The following SOX5 variants were observed in gnomAD, a reference collection of about 807,000 sequenced individuals.
SOX5 encodes the protein SRY-box transcription factor 5.
A neutral mutation model predicts 92.0 loss-of-function variants in SOX5; 9 were observed. The ratio of observed to expected loss-of-function variants is 0.10; its 90% CI spans 0.06 to 0.17. The LOEUF (loss-of-function observed/expected upper bound fraction) is 0.17, where lower values mean the gene tolerates loss of function less well. SOX5 is among the 10% of genes least tolerant of loss of function. The pLI, the probability that SOX5 is intolerant of heterozygous loss-of-function variation, is 1.00. For synonymous variants in SOX5, 344 were observed against 336.3 expected, an observed-to-expected ratio of 1.02 and a Z score of -0.25; for missense variants, 642 against 944.5, an observed-to-expected ratio of 0.68 and a Z score of 4.20.
chr12:24,117,924 C>T (rs1000657121), intron 4 of SOX5, among the ~76,000 whole-genome samples: 7 of 147,528 alleles, frequency 4.7e-5, no homozygotes, highest in Admixed American at 1.4e-4. Flanking sequence ...GAGACCAAGG[C>T]AGGAGAATTG....
At chr12:23,543,959 C>A (rs1276378127) in intron 12 of SOX5, among the ~76,000 whole-genome samples, 1 of 152,150 alleles carries the variant, frequency 6.6e-6, no homozygotes, top group Non-Finnish European at 1.5e-5. Flanking sequence ...TATATGCTGA[C>A]AAATGCATGA....
chr12:23,608,095 C>T (rs80241699), intron 8 of SOX5, among the ~76,000 whole-genome samples: 3,104 of 108,808 alleles, frequency 0.029, 43 homozygotes, highest in Middle Eastern at 0.1. Flanking sequence ...CATAGTGAGA[C>T]GTTGTCTCAA....
intron 8 of SOX5, among the ~76,000 whole-genome samples, chr12:23,612,945 AAC>A (rs2076142235): frequency 6.6e-6 from 1 of 152,206 alleles, no homozygotes; most frequent in Admixed American, 6.5e-5. Flanking sequence ...AATCTTTCAA[AAC>A]ACAGCAGCAT....
chr12:23,622,512 G>C (rs755227971), intron 8 of SOX5, among the ~76,000 whole-genome samples: 1 of 133,056 alleles, frequency 7.5e-6, no homozygotes, highest in Non-Finnish European at 1.6e-5. Context: ...CAGCGAATTT[G>C]AAAATAAAAA....
At chr12:23,837,249 ATTTATATTT>A (rs1268750118) in intron 3 of SOX5, among the ~76,000 whole-genome samples, 22,804 of 114,792 alleles carry the variant, frequency 0.2, 3,453 homozygotes, top group Non-Finnish European at 0.28. Flanking sequence ...TATAATATAT[ATTTATATTT>A]ATATAATATA....
chr12:24,082,304 G>T (rs1943435586), intron 4 of SOX5, among the ~76,000 whole-genome samples: 1 of 146,114 alleles, frequency 6.8e-6, no homozygotes, highest in South Asian at 2.2e-4. Context: ...TGCCCCACAA[G>T]CACTATTTAG....
chr12:23,739,290 C>T (rs1390363433), intron 5 of SOX5, among the ~76,000 whole-genome samples: 3 of 152,168 alleles, frequency 2.0e-5, no homozygotes, highest in Non-Finnish European at 4.4e-5. Flanking sequence ...CTCTATCTTA[C>T]GTTGTATTTA....
At chr12:23,896,127 C>T in intron 1 of SOX5, 103 bp from the exon 2 acceptor site, 1 of 776,906 alleles carries the variant, frequency 1.3e-6, no homozygotes, top group Non-Finnish European at 2.2e-6. Flanking sequence ...CCTTTTTGTG[C>T]TAGCAGAGAG....
intron 3 of SOX5, among the ~76,000 whole-genome samples, chr12:23,842,911 G>A (rs1035993994): frequency 1.3e-5 from 2 of 152,140 alleles, no homozygotes; most frequent in African/African-American, 4.8e-5. Context: ...ACAGTATGGT[G>A]TAGAAAGGGG....
intron 1 of SOX5, among the ~76,000 whole-genome samples, chr12:24,430,456 T>TAA (rs1208740954): frequency 6.6e-6 from 1 of 151,714 alleles, no homozygotes; most frequent in Non-Finnish European, 1.5e-5. Flanking sequence ...GGTATATATA[T>TAA]AATATATATA....
intron 1 of SOX5, among the ~76,000 whole-genome samples, chr12:23,918,943 GA>G (rs2097450855): frequency 1.3e-5 from 2 of 149,374 alleles, no homozygotes; most frequent in African/African-American, 4.9e-5. Flanking sequence ...AAGAAAGAAA[GA>G]AAAATGGCCC....
intron 4 of SOX5, among the ~76,000 whole-genome samples, chr12:24,133,974 C>T (rs374458738): frequency 2.0e-5 from 3 of 152,132 alleles, no homozygotes; most frequent in African/African-American, 7.2e-5. Flanking sequence ...GAGGCTTCTA[C>T]TTTAGGGCAA....
chr12:24,475,090 C>G (rs1945219454), intron 1 of SOX5, among the ~76,000 whole-genome samples: 1 of 152,118 alleles, frequency 6.6e-6, no homozygotes, highest in Non-Finnish European at 1.5e-5. Flanking sequence ...ACCTCAGCCT[C>G]GGCCTCCCAA....
chr12:24,159,618 C>T (rs1233804912), intron 4 of SOX5, among the ~76,000 whole-genome samples: 1 of 151,858 alleles, frequency 6.6e-6, no homozygotes, highest in Non-Finnish European at 1.5e-5. Context: ...AACTCTTAAC[C>T]ATATATTATT....
intron 8 of SOX5, among the ~76,000 whole-genome samples, chr12:23,621,525 C>T (rs1434769497): frequency 6.6e-6 from 1 of 152,124 alleles, no homozygotes; most frequent in Admixed American, 6.6e-5. Flanking sequence ...TCCAAGACCA[C>T]ATTAGGCTTT....
intron 1 of SOX5, among the ~76,000 whole-genome samples, chr12:23,917,835 A>G (rs2097433805): frequency 6.6e-6 from 1 of 152,168 alleles, no homozygotes. Context: ...GTGATTAGCA[A>G]CAGAATGTAA....
At chr12:23,845,875 G>A (rs1249116476) in intron 3 of SOX5, 108 bp downstream of exon 3, 2 of 880,534 alleles carry the variant, frequency 2.3e-6, no homozygotes, top group Non-Finnish European at 3.7e-6. Context: ...TTTCCATCTT[G>A]CCCAATTTAA....
chr12:23,799,956 C>A (rs1341519764), intron 3 of SOX5, among the ~76,000 whole-genome samples: 1 of 151,864 alleles, frequency 6.6e-6, no homozygotes, highest in Non-Finnish European at 1.5e-5. Context: ...TGCCAATCTT[C>A]CAAAGATATT....
At chr12:23,883,736 T>C (rs189641083) in intron 2 of SOX5, among the ~76,000 whole-genome samples, 1 of 152,292 alleles carries the variant, frequency 6.6e-6, no homozygotes, top group East Asian at 1.9e-4. Flanking sequence ...CTTAACAAAA[T>C]GTGGTTTTTG....
Sources: allele counts gnomAD v4.1 joint callset (sites outside exome capture counted in the v4.1 genomes callset), GRCh38; gene constraint gnomAD v4.1.1; transcripts MANE v1.5; gene names NCBI Gene and HGNC (gene_info 2026-07-23, HGNC 2026-07-21).